The following NEK10 variants were observed in gnomAD, a reference collection of about 807,000 sequenced individuals.
The protein encoded by NEK10 is serine/threonine-protein kinase Nek10.
NEK10 carries 122 observed loss-of-function variants against 159.8 expected under a neutral mutation model. The ratio of observed to expected loss-of-function variants is 0.76; its 90% CI spans 0.66 to 0.89. The LOEUF (loss-of-function observed/expected upper bound fraction) is 0.89, where lower values mean the gene tolerates loss of function less well. NEK10 is among the 40% of genes least tolerant of loss of function. The pLI, the probability that NEK10 is intolerant of heterozygous loss-of-function variation, is 0.00. For missense variants in NEK10, 1,342 were observed against 1,323.1 expected (o/e 1.01, Z -0.22); for synonymous variants, 466 against 457.1 (o/e 1.02, Z -0.25).
At chr3:27,346,331 G>C (rs1326479974) in intron 3 of NEK10, 115 bp from the exon 4 acceptor site, 3 of 1,062,860 alleles carry the variant, frequency 2.8e-6, no homozygotes, top group East Asian at 4.8e-5. Flanking sequence ...CAATAATTAA[G>C]ATAACAACCC....
chr3:27,285,011 T>A (rs2042471110), intron 20 of NEK10, 50 bp from the exon 21 acceptor site: 1 of 1,469,538 alleles, frequency 6.8e-7, no homozygotes, highest in Non-Finnish European at 9.2e-7. Context: ...AATACAGGCA[T>A]CTTGAAAAAC....
intron 13 of NEK10, 77 bp from the exon 14 acceptor site, chr3:27,297,317 A>G (rs2043432556): frequency 2.1e-6 from 2 of 943,294 alleles, no homozygotes; most frequent in African/African-American, 3.2e-5. Context: ...CTTACTCCAC[A>G]GGGTATTTTT....
At chr3:27,327,319 G>A (rs2046075877) in intron 5 of NEK10, among the ~76,000 whole-genome samples, 1 of 152,226 alleles carries the variant, frequency 6.6e-6, no homozygotes, top group African/African-American at 2.4e-5. Context: ...TAGAGGCCAT[G>A]TCTCAATATA....
At chr3:27,256,268 T>C (rs774460245) in intron 23 of NEK10, 28 bp downstream of exon 23, 10 of 1,123,068 alleles carry the variant, frequency 8.9e-6, no homozygotes, top group Non-Finnish European at 1.3e-6. Context: ...AGTATGATGT[T>C]TGAGAGCCAT....
intron 5 of NEK10, among the ~76,000 whole-genome samples, chr3:27,336,268 A>G (rs2046795681): frequency 1.3e-5 from 2 of 152,134 alleles, no homozygotes; most frequent in African/African-American, 4.8e-5. Context: ...ATAAATTCCT[A>G]GAAACTACAA....
chr3:27,329,964 C>T (rs770182162), intron 5 of NEK10, among the ~76,000 whole-genome samples: 2 of 152,136 alleles, frequency 1.3e-5, no homozygotes, highest in Non-Finnish European at 2.9e-5. Context: ...ATCCACAGAA[C>T]CTACACATAT....
chr3:27,348,832 C>T (rs568948683), intron 3 of NEK10, among the ~76,000 whole-genome samples: 1 of 152,160 alleles, frequency 6.6e-6, no homozygotes, highest in African/African-American at 2.4e-5. Flanking sequence ...TAGCACCTCT[C>T]ACAGAGCTGG....
intron 32 of NEK10, among the ~76,000 whole-genome samples, chr3:27,131,086 T>C (rs1942569783): frequency 2.0e-5 from 3 of 152,194 alleles, no homozygotes. Flanking sequence ...TTTGATGCAT[T>C]AAAGGAACGT....
intron 19 of NEK10, among the ~76,000 whole-genome samples, chr3:27,288,523 G>A (rs930026415): frequency 2.6e-5 from 4 of 152,124 alleles, no homozygotes; most frequent in Non-Finnish European, 5.9e-5. Context: ...CATTGGCTCT[G>A]AGTCCCCAGC....
At chr3:27,208,876 G>T (rs563315380) in intron 23 of NEK10, among the ~76,000 whole-genome samples, 1 of 152,280 alleles carries the variant, frequency 6.6e-6, no homozygotes, top group Admixed American at 6.5e-5. Flanking sequence ...AATGTTCTCA[G>T]CTCACAGATG....
At chr3:27,328,881 A>G (rs1039211833) in intron 5 of NEK10, among the ~76,000 whole-genome samples, 2 of 152,208 alleles carry the variant, frequency 1.3e-5, no homozygotes, top group Non-Finnish European at 2.9e-5. Flanking sequence ...ATTGAGTGAG[A>G]AAACTCAAAA....
chr3:27,140,716 C>G (rs536496086), intron 31 of NEK10, among the ~76,000 whole-genome samples: 1 of 152,236 alleles, frequency 6.6e-6, no homozygotes, highest in East Asian at 1.9e-4. Flanking sequence ...GAATCTAGAG[C>G]AAGGCAATGT....
intron 23 of NEK10, among the ~76,000 whole-genome samples, chr3:27,209,334 C>T (rs771594617): frequency 1.1e-4 from 17 of 152,138 alleles, no homozygotes; most frequent in Admixed American, 2.0e-4. Context: ...TAGAAAGGCA[C>T]AAAAAGAGCT....
chr3:27,317,991 G>C (rs998923924), intron 6 of NEK10, among the ~76,000 whole-genome samples: 1 of 152,112 alleles, frequency 6.6e-6, no homozygotes, highest in Non-Finnish European at 1.5e-5. Context: ...TTTTAGTAGA[G>C]ACGGGGTTTC....
intron 29 of NEK10, among the ~76,000 whole-genome samples, chr3:27,165,742 A>G (rs62255211): frequency 0.24 from 35,826 of 152,148 alleles, 4,598 homozygotes; most frequent in Middle Eastern, 0.38. Flanking sequence ...TTAGCCTACA[A>G]TTTCCACCCC....
chr3:27,266,474 C>A (rs1353970600), intron 22 of NEK10, among the ~76,000 whole-genome samples: 2 of 152,152 alleles, frequency 1.3e-5, no homozygotes, highest in African/African-American at 4.8e-5. Context: ...ACATATTCAT[C>A]TGGATAATCA....
At chr3:27,338,953 A>G (rs2047009441) in intron 5 of NEK10, among the ~76,000 whole-genome samples, 1 of 152,192 alleles carries the variant, frequency 6.6e-6, no homozygotes, top group Admixed American at 6.5e-5. Context: ...GAACTATAAT[A>G]TACTAAAAAC....
chr3:27,261,542 A>T (rs1333541237), intron 22 of NEK10, among the ~76,000 whole-genome samples: 2 of 152,176 alleles, frequency 1.3e-5, no homozygotes, highest in Non-Finnish European at 2.9e-5. Context: ...TTTGAGTGAG[A>T]TTCTTAATCC....
chr3:27,125,377 T>C (rs1194656515), intron 32 of NEK10, among the ~76,000 whole-genome samples: 1 of 152,126 alleles, frequency 6.6e-6, no homozygotes, highest in Non-Finnish European at 1.5e-5. Flanking sequence ...GAGGTAGAAC[T>C]CTGAAGGAAA....
Sources: allele counts gnomAD v4.1 joint callset (sites outside exome capture counted in the v4.1 genomes callset), GRCh38; gene constraint gnomAD v4.1.1; transcripts MANE v1.5; gene names NCBI Gene and HGNC (gene_info 2026-07-23, HGNC 2026-07-21).